EBF2: variants seen among roughly 807,000 people sequenced by gnomAD.
The protein encoded by EBF2 is EBF transcription factor 2.
Under a neutral mutation model 72.8 loss-of-function variants are expected in EBF2, and 21 were observed. The ratio of observed to expected loss-of-function variants is 0.29; its 90% CI spans 0.20 to 0.42. The LOEUF (loss-of-function observed/expected upper bound fraction) is 0.42. Ranked by LOEUF, EBF2 falls within the 10% of genes least tolerant of loss-of-function variation. The pLI is 1.00. For missense variants in EBF2, 637 were observed against 731.2 expected (o/e 0.87, Z 1.49); for synonymous variants, 299 against 274.2 (o/e 1.09, Z -0.89).
At chr8:25,966,753 G>C (rs578166202) in intron 6 of EBF2, among the ~76,000 whole-genome samples, 1 of 152,156 alleles carries the variant, frequency 6.6e-6, no homozygotes, top group Admixed American at 6.5e-5. Context: ...AGCCAGTAAA[G>C]CCAGGCAGCC....
chr8:25,919,386 A>G (rs1308546642), intron 6 of EBF2, among the ~76,000 whole-genome samples: 2 of 152,162 alleles, frequency 1.3e-5, no homozygotes, highest in Non-Finnish European at 2.9e-5. Context: ...CTTCAAAGAG[A>G]GGAGAAATAT....
chr8:25,970,690 G>T (rs1804176995), intron 6 of EBF2, among the ~76,000 whole-genome samples: 1 of 152,158 alleles, frequency 6.6e-6, no homozygotes, highest in Non-Finnish European at 1.5e-5. Flanking sequence ...GTTCTGGCCA[G>T]GTTGGTGCTT....
chr8:25,860,833 C>T (rs12541694), intron 13 of EBF2, among the ~76,000 whole-genome samples: 2,399 of 152,164 alleles, frequency 0.016, 114 homozygotes, highest in Admixed American at 0.092. Context: ...CTCAATCTTC[C>T]CCTTAAATAT....
chr8:25,855,041 A>T (rs1802059594), intron 14 of EBF2, among the ~76,000 whole-genome samples: 1 of 152,194 alleles, frequency 6.6e-6, no homozygotes, highest in Non-Finnish European at 1.5e-5. Flanking sequence ...ATTTTAGGAA[A>T]GTTGATTGCA....
intron 5 of EBF2, among the ~76,000 whole-genome samples, chr8:26,037,439 T>C (rs1389531930): frequency 6.6e-6 from 1 of 152,178 alleles, no homozygotes; most frequent in Admixed American, 6.5e-5. Flanking sequence ...CACAGCATGG[T>C]GGCTTTTGTT....
chr8:26,017,446 G>A (rs1805129282), intron 6 of EBF2, among the ~76,000 whole-genome samples: 1 of 152,134 alleles, frequency 6.6e-6, no homozygotes, highest in Admixed American at 6.5e-5. Context: ...TCAGAGCAAA[G>A]GGGCTGTTCC....
In EBF2 at chr8:26,023,064, T is replaced by C. The variant is rs142331450; in HGVS notation, c.551+10021A>G. Among the ~76,000 whole-genome samples, 12 of 152,302 alleles carry C rather than the reference T, an allele frequency of 7.9e-5. No homozygotes were observed. The East Asian group carries it at 2.3e-3, about 29-fold the overall frequency. On this transcript the variant is annotated intron_variant, in intron 6 of 15. Transcript: ENST00000520164. The stretch of plus-strand genomic sequence containing the variant: ...ATAACTTCCTTCTCTCCTTGGTATA[T>C]AGGTCTCATTTCCCAACCATTTGGC...
chr8:25,931,262 A>G (rs1455834383), intron 6 of EBF2, among the ~76,000 whole-genome samples: 4 of 152,208 alleles, frequency 2.6e-5, no homozygotes, highest in African/African-American at 9.6e-5. Flanking sequence ...TTTCTTTTAA[A>G]TTGTGGGAAC....
intron 10 of EBF2, among the ~76,000 whole-genome samples, chr8:25,872,303 T>A (rs1004418946): frequency 1.3e-5 from 2 of 152,010 alleles, no homozygotes; most frequent in East Asian, 3.9e-4. Flanking sequence ...TGAGAGAAGA[T>A]GATGATGAGT....
chr8:25,866,710 C>T (rs1802335933), intron 10 of EBF2, among the ~76,000 whole-genome samples: 1 of 147,312 alleles, frequency 6.8e-6, no homozygotes, highest in Non-Finnish European at 1.5e-5. Context: ...TGGCTCACTG[C>T]AACCTCTGCC....
chr8:25,876,353 C>T (rs1287938327), intron 10 of EBF2, among the ~76,000 whole-genome samples: 48 of 152,162 alleles, frequency 3.2e-4, no homozygotes, highest in Non-Finnish European at 1.5e-5. Context: ...TGCAAACCAT[C>T]ATGGCACATG....
intron 6 of EBF2, among the ~76,000 whole-genome samples, chr8:26,017,124 G>A (rs930872051): frequency 1.1e-4 from 16 of 149,604 alleles, no homozygotes; most frequent in South Asian, 4.3e-4. Flanking sequence ...TATCTTTTAC[G>A]TGTGTGTTTT....
intron 6 of EBF2, among the ~76,000 whole-genome samples, chr8:25,912,349 G>A (rs1803142598): frequency 6.6e-6 from 1 of 152,002 alleles, no homozygotes; most frequent in South Asian, 2.1e-4. Flanking sequence ...TGCACAGCTG[G>A]GTGAATATAC....
At chr8:26,015,541 A>T (rs1312324519) in intron 6 of EBF2, among the ~76,000 whole-genome samples, 1 of 152,222 alleles carries the variant, frequency 6.6e-6, no homozygotes, top group African/African-American at 2.4e-5. Flanking sequence ...TTGGGATGGT[A>T]TGAGAGTAAG....
At chr8:26,005,298 TATATAATTATATATTATATATTA>T (rs1804830970) in intron 6 of EBF2, among the ~76,000 whole-genome samples, 1 of 3,638 alleles carries the variant, frequency 2.7e-4, no homozygotes, top group Non-Finnish European at 5.9e-4. Context: ...TATATAATTA[TATATAATTATATATTATATATTA>T]TATATAATTA....
At chr8:25,858,059 A>G (rs755039530) in intron 14 of EBF2, 2 of 617,660 alleles carry the variant, frequency 3.2e-6, no homozygotes, top group South Asian at 3.0e-5. Context: ...TTCCACTTAC[A>G]CAGGCCACAC....
chr8:26,002,401 G>A (rs1436407829), intron 6 of EBF2, among the ~76,000 whole-genome samples: 4 of 152,234 alleles, frequency 2.6e-5, no homozygotes, highest in Admixed American at 6.5e-5. Flanking sequence ...GGCTCACTGC[G>A]AGGCAGCCAG....
chr8:25,908,692 G>A, intron 6 of EBF2, 137 bp from the exon 7 acceptor site: 3 of 656,198 alleles, frequency 4.6e-6, no homozygotes, highest in East Asian at 2.7e-5. Flanking sequence ...GCCTGTGAAG[G>A]AACACTGCTG....
At chr8:26,024,114 A>G (rs1465241904) in intron 6 of EBF2, among the ~76,000 whole-genome samples, 1 of 152,082 alleles carries the variant, frequency 6.6e-6, no homozygotes, top group Non-Finnish European at 1.5e-5. Context: ...TACCTCTAAA[A>G]CTATGTGCAG....
Sources: gnomAD v4.1 joint callset for allele counts (sites outside exome capture counted in the v4.1 genomes callset) on GRCh38, gnomAD v4.1.1 for gene constraint, MANE v1.5 for transcripts, NCBI Gene and HGNC (gene_info 2026-07-23, HGNC 2026-07-21) for gene names.